The following UBR3 variants were observed in gnomAD, a reference collection of about 807,000 sequenced individuals.
UBR3 encodes the protein ubiquitin protein ligase E3 component n-recognin 3.
A neutral mutation model predicts 243.2 loss-of-function variants in UBR3; 85 were observed. The observed-to-expected ratio is 0.35, with a 90% CI of 0.29 to 0.42. The LOEUF (loss-of-function observed/expected upper bound fraction) is 0.42. Among genes scored for constraint, UBR3 ranks in the 10% least tolerant of loss-of-function variants. The probability of loss-of-function intolerance (pLI) is 1.00; values close to 1 mark genes in which losing one functional copy is unlikely to be tolerated. For missense variants in UBR3, 1,686 were observed against 2,300.8 expected, an observed-to-expected ratio of 0.73 and a Z score of 5.47; for synonymous variants, 748 against 799.8, an observed-to-expected ratio of 0.94 and a Z score of 1.09.
chr2:170,013,261 C>T (rs933845558), intron 29 of UBR3, among the ~76,000 whole-genome samples: 1 of 151,916 alleles, frequency 6.6e-6, no homozygotes, highest in African/African-American at 2.4e-5. Context: ...CCAATTTTGA[C>T]ATATATGAAA....
chr2:169,941,970 A>C (rs1035066566), intron 19 of UBR3, among the ~76,000 whole-genome samples: 3 of 152,244 alleles, frequency 2.0e-5, no homozygotes, highest in African/African-American at 4.8e-5. Context: ...TGTGAGCCCA[A>C]CATACCTTGT....
At chr2:169,986,839 GTA>G (rs2089026893) in intron 25 of UBR3, 45 bp downstream of exon 25, 2 of 1,596,690 alleles carry the variant, frequency 1.3e-6, no homozygotes, top group Non-Finnish European at 1.7e-6. Context: ...TAGAGCTGAA[GTA>G]TATACAACAG....
At chr2:170,009,831 T>C (rs549807237) in intron 29 of UBR3, among the ~76,000 whole-genome samples, 1 of 152,250 alleles carries the variant, frequency 6.6e-6, no homozygotes, top group African/African-American at 2.4e-5. Context: ...CTATCTTCCT[T>C]TTTCCTCTCC....
intron 4 of UBR3, among the ~76,000 whole-genome samples, 169 bp from the exon 5 acceptor site, chr2:169,878,356 C>A: frequency 1.6e-5 from 2 of 124,424 alleles, no homozygotes; most frequent in African/African-American, 2.6e-5. Context: ...GCGAGAATCC[C>A]GTCTCAAAAA....
intron 1 of UBR3, among the ~76,000 whole-genome samples, chr2:169,863,547 T>C (rs2083157990): frequency 6.6e-6 from 1 of 152,224 alleles, no homozygotes; most frequent in Non-Finnish European, 1.5e-5. Flanking sequence ...AAGAAAGTTA[T>C]CTGTGACCTC....
chr2:169,955,465 C>G (rs1431666175), intron 23 of UBR3, among the ~76,000 whole-genome samples: 1 of 151,808 alleles, frequency 6.6e-6, no homozygotes, highest in East Asian at 1.9e-4. Flanking sequence ...TCCCATCATT[C>G]TTTGAGCATA....
chr2:170,029,524 A>C (rs1397282304), intron 31 of UBR3, 76 bp downstream of exon 31: 4 of 1,098,802 alleles, frequency 3.6e-6, no homozygotes, highest in Non-Finnish European at 5.2e-6. Context: ...AATGGAATTG[A>C]AATTTCAATA....
At chr2:170,056,652 CTT>C (rs1402366618) in intron 33 of UBR3, among the ~76,000 whole-genome samples, 2 of 152,194 alleles carry the variant, frequency 1.3e-5, no homozygotes, top group Admixed American at 1.3e-4. Flanking sequence ...GTCATTAAAA[CTT>C]TTTTTGTTGA....
At chr2:170,077,798 C>G (rs2091841246) in intron 36 of UBR3, 1 of 258,936 alleles carries the variant, frequency 3.9e-6, no homozygotes, top group Non-Finnish European at 7.3e-6. Context: ...GTTGCCCAGG[C>G]TGGTCTTGAA....
rs146044371 is a variant in UBR3 at position 169,873,695 on chromosome 2, A to T, written c.685+1320A>T. On this transcript the variant is annotated intron_variant, in intron 2 of 38. Coordinates refer to ENST00000272793, the MANE Select transcript of UBR3 (RefSeq NM_172070.4). ...CCTGTGCCCCACACCGCCCCCCAAAAAAAAGAACAGAAAAAAGAATATATA... is the reference window on the plus strand; with the variant it reads ...CCTGTGCCCCACACCGCCCCCCAAATAAAAGAACAGAAAAAAGAATATATA... Among the ~76,000 whole-genome samples, 438 of 152,206 alleles carry T rather than the reference A, an allele frequency of 2.9e-3. 1 individual carries two copies. The highest frequency in any genetic ancestry group is 1.0e-2 in the African/African-American group (415 of 41,524).
intron 28 of UBR3, 123 bp downstream of exon 28, chr2:170,007,313 G>C (rs185660462): frequency 1.6e-4 from 165 of 1,012,558 alleles, no homozygotes; most frequent in Non-Finnish European, 2.1e-4. Flanking sequence ...GCTTTTAGAG[G>C]TTTTGTTCTC....
chr2:170,001,161 C>A, intron 26 of UBR3, 143 bp from the exon 27 acceptor site: 1 of 603,450 alleles, frequency 1.7e-6, no homozygotes, highest in Non-Finnish European at 2.8e-6. Flanking sequence ...TCTAGTCAGG[C>A]ATTAATTGAT....
intron 1 of UBR3, among the ~76,000 whole-genome samples, chr2:169,829,642 C>G (rs2081864073): frequency 2.6e-5 from 4 of 152,014 alleles, no homozygotes; most frequent in Non-Finnish European, 5.9e-5. Context: ...TCAGGCTAGT[C>G]CCGAACTCCC....
intron 1 of UBR3, among the ~76,000 whole-genome samples, chr2:169,834,644 C>T (rs1010537282): frequency 2.0e-5 from 3 of 152,226 alleles, no homozygotes; most frequent in Admixed American, 1.3e-4. Context: ...CCCTGTCCCA[C>T]TGCTTTTTCG....
At chr2:169,897,496 T>C (rs898791598) in intron 8 of UBR3, among the ~76,000 whole-genome samples, 1 of 152,046 alleles carries the variant, frequency 6.6e-6, no homozygotes, top group Non-Finnish European at 1.5e-5. Context: ...AATACATACA[T>C]AATTTTTATT....
intron 31 of UBR3, among the ~76,000 whole-genome samples, chr2:170,034,507 A>G (rs371762926): frequency 6.6e-6 from 1 of 152,008 alleles, no homozygotes; most frequent in Non-Finnish European, 1.5e-5. Flanking sequence ...TCATGGCTTG[A>G]TAGCTCATTT....
chr2:169,828,101 C>T (rs745328548), intron 1 of UBR3, 49 bp downstream of exon 1: 93 of 1,325,624 alleles, frequency 7.0e-5, no homozygotes, highest in Non-Finnish European at 7.8e-5. Context: ...CCGGGGACGT[C>T]GCGGGAGGGC....
chr2:170,038,160 C>A (rs2090877704), intron 31 of UBR3, among the ~76,000 whole-genome samples: 1 of 152,032 alleles, frequency 6.6e-6, no homozygotes, highest in Non-Finnish European at 1.5e-5. Flanking sequence ...AAAAGCTCTG[C>A]AATTTGTTGG....
At chr2:170,025,287 A>G (rs1054657674) in intron 30 of UBR3, among the ~76,000 whole-genome samples, 1 of 152,184 alleles carries the variant, frequency 6.6e-6, no homozygotes, top group African/African-American at 2.4e-5. Flanking sequence ...TAAAATTGAA[A>G]TAGATAGCAC....
Sources: allele counts gnomAD v4.1 joint callset (sites outside exome capture counted in the v4.1 genomes callset), GRCh38; gene constraint gnomAD v4.1.1; transcripts MANE v1.5; gene names NCBI Gene and HGNC (gene_info 2026-07-23, HGNC 2026-07-21).